The following OLFM1 variants were observed in gnomAD, a reference collection of about 807,000 sequenced individuals.
The protein encoded by OLFM1 is olfactomedin 1.
Under a neutral mutation model 49.7 loss-of-function variants are expected in OLFM1, and 9 were observed. That is an observed-to-expected ratio of 0.18 (90% CI 0.11 to 0.32). OLFM1 has a LOEUF of 0.32. Among genes scored for constraint, OLFM1 ranks in the 10% least tolerant of loss-of-function variants. OLFM1 has a pLI of 1.00. For missense variants in OLFM1, 369 were observed against 661.8 expected (o/e 0.56, Z 4.85); for synonymous variants, 240 against 271.8 (o/e 0.88, Z 1.15).
rs759040021 is a variant in OLFM1, at chr9:135,095,995, G to A, written c.432G>A (p.Lys144=). 1 of 1,490,762 alleles carries A rather than the reference G, an allele frequency of 6.7e-7. No individual in the cohort carries two copies. Among genetic ancestry groups the A allele is most frequent in the Non-Finnish European group, 9.0e-7 (1 of 1,110,042 alleles). The allele number at this position is 1,490,762 out of a possible 1,614,324, so 92.3% of individuals were successfully genotyped here. A position where few individuals can be genotyped will look rare whatever the true frequency, so the allele number is the denominator to read the frequency against. ...TCAAACAGGTGGAGGAGAGTCATAA[G>A]CAACACCTGGCCAGGCAGTTTAAGG... is the stretch of plus-strand genomic sequence containing the variant. ...SKFKQVEESH[K]QHLARQFKAI... The change falls in exon 3 of 6, where the codon AAG becomes AAA. Residue 144 remains lysine (K), a synonymous_variant. Coordinates refer to ENST00000371793, the MANE Select transcript of OLFM1 (RefSeq NM_001282611.2).
Position 135,113,493 on chromosome 9 carries a change from A to G in OLFM1, c.784-6011A>G, listed in dbSNP as rs1588221425. Among the ~76,000 whole-genome samples, 1 of 152,244 alleles carries G rather than the reference A, an allele frequency of 6.6e-6. No homozygotes were observed. The highest frequency in any genetic ancestry group is 1.9e-4 in the East Asian group (1 of 5,174). ...CAGGTGGCAGGTCCTCACAGGACCT[A>G]TTTTACAGCAGAGGGAACTGAGGCA... On this transcript the variant is annotated intron_variant, in intron 5 of 5. Coordinates refer to ENST00000371793, the MANE Select transcript of OLFM1 (RefSeq NM_001282611.2). The surrounding 1 kb of genome is among the most constrained non-coding windows in gnomAD (Gnocchi z 4.0).
intron 4 of OLFM1, chr9:135,106,543 G>A: frequency 1.7e-6 from 1 of 581,108 alleles, no homozygotes; most frequent in Admixed American, 3.0e-5. Flanking sequence ...CAGCTGCTCT[G>A]TTTTGGGGAG....
intron 1 of OLFM1, chr9:135,076,167 C>T (rs920027875): frequency 6.5e-7 from 1 of 1,550,286 alleles, no homozygotes; most frequent in African/African-American, 1.4e-5. Context: ...TAGCCAAGAC[C>T]CCAGGCATTT....
rs1588205270 is a variant in OLFM1, at chr9:135,087,863, C to T, written c.-127C>T. On this transcript the variant is annotated 5_prime_UTR_variant, in exon 1 of 6. Coordinates refer to ENST00000371793, the MANE Select transcript of OLFM1 (RefSeq NM_001282611.2). ...GGCGGCGGCGGCGGGCGGGCGGCGG[C>T]GGGCCGAGGGGGCGCGGGGACACAG... 2.3e-6 allele frequency: 2 copies of T among 888,424 alleles called. No individual in the cohort carries two copies. The highest frequency in any genetic ancestry group is 1.3e-4 in the East Asian group (1 of 7,964). The allele number at this position is 888,424 out of a possible 1,614,324, so 55.0% of individuals were successfully genotyped here. A position where few individuals can be genotyped will look rare whatever the true frequency, so the allele number is the denominator to read the frequency against.
Position 135,088,133 on chromosome 9 carries a change from C to T in OLFM1, c.144C>T (p.Ser48=). The change falls in exon 1 of 6, where the codon AGC becomes AGT. Residue 48 remains serine, a synonymous_variant. Transcript: ENST00000371793. This position sits in a 1 kb window ranked among gnomAD's most constrained non-coding sequence, Gnocchi z 4.8. ...CCGGCGGCGGGACGCTGGACCGCAGCACCGGCGTAAGTGCGCCCGCCGGCC... is the reference window on the plus strand; with the variant it reads ...CCGGCGGCGGGACGCTGGACCGCAGTACCGGCGTAAGTGCGCCCGCCGGCC... ...SAAGGGTLDR[S]TGVLPTNPEE... 1 of 1,373,236 alleles carries T rather than the reference C, an allele frequency of 7.3e-7. No individual in the cohort carries two copies. The highest frequency in any genetic ancestry group is 9.6e-7 in the Non-Finnish European group (1 of 1,046,702). The allele number at this position is 1,373,236 out of a possible 1,614,324, so 85.1% of individuals were successfully genotyped here.
upstream of OLFM1, among the ~76,000 whole-genome samples, chr9:135,083,202 G>A (rs79842317): frequency 6.0e-4 from 92 of 152,302 alleles, no homozygotes; most frequent in African/African-American, 2.0e-3. Context: ...AGCCCAGAGG[G>A]TGACGTGTCT....
intron 5 of OLFM1, among the ~76,000 whole-genome samples, chr9:135,110,996 C>T (rs544978403): frequency 6.6e-6 from 1 of 152,354 alleles, no homozygotes; most frequent in African/African-American, 2.4e-5. Flanking sequence ...GATCTGTGCC[C>T]ATCGTCCAGC....
At chr9:135,083,399 G>A (rs11103666), upstream of OLFM1, among the ~76,000 whole-genome samples, 7,414 of 152,164 alleles carry the variant, frequency 0.049, 603 homozygotes, top group African/African-American at 0.17. Context: ...AGGGTCTGGG[G>A]GGATGGGGGC....
intron 1 of OLFM1, among the ~76,000 whole-genome samples, chr9:135,077,625 C>T (rs1020837703): frequency 8.5e-5 from 13 of 152,198 alleles, no homozygotes; most frequent in African/African-American, 2.4e-4. Context: ...CCACAGCCTC[C>T]GCGGGTCAGG....
chr9:135,095,536 G>A (rs1399207964), intron 2 of OLFM1, among the ~76,000 whole-genome samples: 1 of 148,940 alleles, frequency 6.7e-6, no homozygotes, highest in African/African-American at 2.5e-5. Context: ...AAAAAAGAGA[G>A]AGAGAGAGAT....
chr9:135,077,282 G>A (rs959537024), intron 1 of OLFM1: 24 of 1,446,292 alleles, frequency 1.7e-5, no homozygotes, highest in African/African-American at 2.9e-5. Context: ...TTGGCAAAGA[G>A]ATGGCTGATT....
rs1427754029 is a variant in OLFM1 at position 135,088,333 on chromosome 9, G to C, written c.150+194G>C. 6.6e-6 allele frequency among the ~76,000 whole-genome samples: 1 copy of C among 151,852 alleles called. No homozygotes were observed. The highest frequency in any genetic ancestry group is 1.5e-5 in the Non-Finnish European group (1 of 67,912). ...GGCGACCCTGCTCCCCGCTCCCCCA[G>C]CCTGGGCCACTCCATCTCCGCCCGC... On this transcript the variant is annotated intron_variant, in intron 1 of 5. Coordinates refer to ENST00000371793, the MANE Select transcript of OLFM1 (RefSeq NM_001282611.2). The surrounding 1 kb of genome is among the most constrained non-coding windows in gnomAD (Gnocchi z 4.8).
intron 2 of OLFM1, among the ~76,000 whole-genome samples, chr9:135,094,301 ACT>A (rs1283187041): frequency 2.0e-5 from 3 of 152,112 alleles, no homozygotes; most frequent in Admixed American, 2.0e-4. Context: ...TGTGTGGCTC[ACT>A]CCTAGGCAGA....
At chr9:135,116,716 AAG>A (rs1831100955) in intron 5 of OLFM1, among the ~76,000 whole-genome samples, 1 of 151,962 alleles carries the variant, frequency 6.6e-6, no homozygotes, top group African/African-American at 2.4e-5. Context: ...TAGCCAAGCA[AAG>A]AGGGGGCAAG....
intron 4 of OLFM1, among the ~76,000 whole-genome samples, chr9:135,104,435 T>G (rs1006794328): frequency 6.6e-6 from 1 of 152,192 alleles, no homozygotes; most frequent in East Asian, 1.9e-4. Flanking sequence ...GGGATGAGTC[T>G]GCTGCGGGTG....
intron 1 of OLFM1, chr9:135,076,773 G>T: frequency 6.7e-7 from 1 of 1,501,696 alleles, no homozygotes; most frequent in South Asian, 1.3e-5. Context: ...AGCTGCCCCT[G>T]ACCCTTCTTT....
chr9:135,076,167 C>G, intron 1 of OLFM1: 1 of 1,550,286 alleles, frequency 6.5e-7, no homozygotes, highest in South Asian at 1.2e-5. Context: ...TAGCCAAGAC[C>G]CCAGGCATTT....
upstream of OLFM1, among the ~76,000 whole-genome samples, chr9:135,087,046 G>T (rs2119095682): frequency 6.6e-6 from 1 of 152,342 alleles, no homozygotes; most frequent in East Asian, 1.9e-4. Context: ...CCCCCGCCTT[G>T]CTGTGCAGGT....
chr9:135,091,701 T>TCACA (rs1301859014), intron 2 of OLFM1, among the ~76,000 whole-genome samples: 1 of 56,772 alleles, frequency 1.8e-5, no homozygotes, highest in African/African-American at 9.0e-5. Context: ...ACACACACAG[T>TCACA]CACACTCACA....
Sources: gnomAD v4.1 joint callset for allele counts (sites outside exome capture counted in the v4.1 genomes callset) on GRCh38, gnomAD v4.1.1 for gene constraint, Gnocchi (gnomAD v3.1) non-coding constraint, MANE v1.5 for transcripts, NCBI Gene and HGNC (gene_info 2026-07-23, HGNC 2026-07-21) for gene names.